Variants in CERS1 observed in about 807,000 individuals in gnomAD.
CERS1 encodes the protein ceramide synthase 1.
A neutral mutation model predicts 35.7 loss-of-function variants in CERS1; 16 were observed. The ratio of observed to expected loss-of-function variants is 0.45; its 90% confidence interval spans 0.30 to 0.68. The LOEUF is 0.68. Among genes scored for constraint, CERS1 ranks in the 30% least tolerant of loss-of-function variants. The probability of loss-of-function intolerance (pLI) is 0.08; values close to 1 mark genes in which losing one functional copy is unlikely to be tolerated. For synonymous variants in CERS1, 243 were observed against 201.6 expected (o/e 1.21, Z -1.74); for missense variants, 454 against 453.9 (o/e 1.00, Z 0.00).
intron 2 of CERS1, among the ~76,000 whole-genome samples, chr19:18,888,817 C>T (rs899918978): frequency 3.3e-5 from 5 of 151,204 alleles, no homozygotes; most frequent in Non-Finnish European, 4.4e-5. Context: ...GCAACAAGAG[C>T]GAAACTCTGT....
chr19:18,878,523 T>G lies in CERS1; in HGVS notation c.1010+407A>C. On this transcript the variant is annotated intron_variant, in intron 6 of 7. Transcript: ENST00000623882. The surrounding 1 kb of genome is among the most constrained non-coding windows in gnomAD (Gnocchi z 4.6). ...TGGGTTCTCTCTGTGGCCCTTGGCG[T>G]TCCTTCCTCCCCAGCCCCACTGCCA... 3.0e-6 allele frequency: 3 copies of G among 1,013,722 alleles called. No homozygotes were observed. Among genetic ancestry groups the G allele is most frequent in the South Asian group, 3.9e-5 (1 of 25,432 alleles). 62.8% of individuals were successfully genotyped at this position (1,013,722 alleles called of 1,614,324 possible). A position where few individuals can be genotyped will look rare whatever the true frequency, so the allele number is the denominator to read the frequency against.
chr19:18,869,936 G>A lies in CERS1; in HGVS notation c.*594+47C>T, dbSNP rs202000234. ...GGGCCACTCTCGAGGCTCGCCCTGC[G>A]AGGTCTGGCCTCCAGGACCAGTGTC... On this transcript the variant is annotated intron_variant, in intron 7 of 7. Coordinates refer to ENST00000623882, the MANE Select transcript of CERS1 (RefSeq NM_021267.5). 3.9e-4 allele frequency: 594 copies of A among 1,527,696 alleles called. 1 individual carries two copies. In the African/African-American group the frequency reaches 7.2e-3, roughly 18 times the overall value. The allele number at this position is 1,527,696 out of a possible 1,614,324, so 94.6% of individuals were successfully genotyped here.
rs768953358 is a variant in CERS1 at position 18,870,051 on chromosome 19, G to T, written c.*526C>A. 9 of 1,592,596 alleles carry T rather than the reference G, an allele frequency of 5.7e-6. No homozygotes were observed. Among genetic ancestry groups the T allele is most frequent in the Non-Finnish European group, 7.7e-6 (9 of 1,173,496 alleles). ...CTCCTCCACGTGGCACGGTTGCAGGGTGACCCCTGGGGACGTCCGCCGCGA... is the reference window on the plus strand; with the variant it reads ...CTCCTCCACGTGGCACGGTTGCAGGTTGACCCCTGGGGACGTCCGCCGCGA... On this transcript the variant is annotated 3_prime_UTR_variant, in exon 7 of 8. Coordinates refer to ENST00000623882, the MANE Select transcript of CERS1 (RefSeq NM_021267.5). This position sits in a 1 kb window ranked among gnomAD's most constrained non-coding sequence, Gnocchi z 5.1.
chr19:18,885,512 T>TG (rs1366930548), intron 2 of CERS1, among the ~76,000 whole-genome samples: 116 of 22,132 alleles, frequency 5.2e-3, no homozygotes, highest in Middle Eastern at 0.02. Context: ...CCCCTTCTCG[T>TG]TTTTTTTTTT....
intron 6 of CERS1, among the ~76,000 whole-genome samples, chr19:18,875,653 C>T (rs1325155077): frequency 2.6e-5 from 4 of 152,162 alleles, no homozygotes; most frequent in Non-Finnish European, 5.9e-5. Flanking sequence ...GCTCCAACCT[C>T]GGCCTTTGTG....
intron 7 of CERS1, among the ~76,000 whole-genome samples, 198 bp from the exon 8 acceptor site, chr19:18,869,588 G>T (rs1173567672): frequency 4.0e-5 from 6 of 150,882 alleles, no homozygotes; most frequent in South Asian, 4.2e-4. Flanking sequence ...GGGTGCGGCG[G>T]GGGGGGTGGG....
In CERS1 at chr19:18,878,519, G is replaced by A; in HGVS notation, c.1010+411C>T. The stretch of plus-strand genomic sequence containing the variant: ...AGCCTGGGTTCTCTCTGTGGCCCTT[G>A]GCGTTCCTTCCTCCCCAGCCCCACT... On this transcript the variant is annotated intron_variant, in intron 6 of 7. Transcript: ENST00000623882. This position sits in a 1 kb window ranked among gnomAD's most constrained non-coding sequence, Gnocchi z 4.6. The A allele has an allele frequency of 2.0e-6, 2 of 1,017,176 alleles. No homozygotes were observed. Among genetic ancestry groups the A allele is most frequent in the Non-Finnish European group, 2.4e-6 (2 of 848,006 alleles). 63.0% of individuals were successfully genotyped at this position (1,017,176 alleles called of 1,614,324 possible).
rs985053381 is a variant in CERS1 at position 18,879,271 on chromosome 19, C to G, written c.870G>C (p.Leu290=). 1.9e-6 allele frequency: 3 copies of G among 1,613,540 alleles called. No individual in the cohort carries two copies. The highest frequency in any genetic ancestry group is 1.1e-5 in the South Asian group (1 of 90,994). ...FYFFFNALLL[L]LTLMNLYWFL... ...ACCAGTAGAGGTTCATAAGGGTGAGCAGCAGCAGGAGCGCATTGAAGAAGA... is the reference window on the plus strand; with the variant it reads ...ACCAGTAGAGGTTCATAAGGGTGAGGAGCAGCAGGAGCGCATTGAAGAAGA... Residue 290 remains leucine, a synonymous_variant, in exon 5 of 8, where the codon CTG becomes CTC. Coordinates refer to ENST00000623882, the MANE Select transcript of CERS1 (RefSeq NM_021267.5).
chr19:18,884,042 G>A (rs773933814), intron 3 of CERS1, 45 bp downstream of exon 3: 2 of 1,585,144 alleles, frequency 1.3e-6, no homozygotes, highest in African/African-American at 1.3e-5. Context: ...TCCGCACTCT[G>A]TGTGGGCTGT....
At chr19:18,872,220 G>T (rs891742577) in intron 6 of CERS1, among the ~76,000 whole-genome samples, 1 of 152,178 alleles carries the variant, frequency 6.6e-6, no homozygotes, top group Non-Finnish European at 1.5e-5. Context: ...ATTCTTGTTT[G>T]TTTTTTCTGC....
At chr19:18,875,893 G>T (rs2056052452) in intron 6 of CERS1, among the ~76,000 whole-genome samples, 1 of 152,214 alleles carries the variant, frequency 6.6e-6, no homozygotes, top group African/African-American at 2.4e-5. Context: ...GCAAGGAGGG[G>T]ATCCTCGCTT....
chr19:18,875,223 G>A (rs2056039374), intron 6 of CERS1, among the ~76,000 whole-genome samples: 1 of 150,632 alleles, frequency 6.6e-6, no homozygotes, highest in South Asian at 2.1e-4. Flanking sequence ...GCGACAGAGT[G>A]GGACCGTCTC....
intron 6 of CERS1, among the ~76,000 whole-genome samples, chr19:18,872,449 G>A (rs191067375): frequency 1.2e-4 from 19 of 152,228 alleles, no homozygotes; most frequent in African/African-American, 4.3e-4. Context: ...CCAGGTTCAC[G>A]GGATTCTCCT....
In CERS1 at chr19:18,868,921, G is replaced by T. The variant is rs1601143049; in HGVS notation, c.*1064C>A. ...CGTACAGCCGCCGCGCGCGACAAGC[G>T]CCCCCGGGGCCGCCGCCCAACACGG... is the stretch of plus-strand genomic sequence containing the variant. On this transcript the variant is annotated 3_prime_UTR_variant, in exon 8 of 8. Coordinates refer to ENST00000623882, the MANE Select transcript of CERS1 (RefSeq NM_021267.5). 1 of 1,337,050 alleles carries T rather than the reference G, an allele frequency of 7.5e-7. No homozygotes were observed. The highest frequency in any genetic ancestry group is 4.2e-5 in the East Asian group (1 of 23,544). The allele number at this position is 1,337,050 out of a possible 1,614,324, so 82.8% of individuals were successfully genotyped here.
chr19:18,896,462 C>G (rs1412539548), upstream of CERS1: 2 of 152,286 alleles, frequency 1.3e-5, no homozygotes, highest in Non-Finnish European at 2.9e-5. The surrounding 1 kb of genome is among the most constrained non-coding windows in gnomAD (Gnocchi z 5.9). Context: ...ACGGGGGACA[C>G]TAGCAGGCAG....
intron 2 of CERS1, among the ~76,000 whole-genome samples, chr19:18,885,417 G>A (rs1021187179): frequency 4.0e-5 from 6 of 151,512 alleles, no homozygotes; most frequent in Non-Finnish European, 5.9e-5. Flanking sequence ...GGGTGATCTC[G>A]AACTCCTGGG....
chr19:18,885,506 T>G, intron 2 of CERS1, among the ~76,000 whole-genome samples: 2 of 95,700 alleles, frequency 2.1e-5, no homozygotes, highest in Non-Finnish European at 2.2e-5. Context: ...CCAGCGCCCC[T>G]TCTCGTTTTT....
Position 18,868,878 on chromosome 19 carries a change from C to A in CERS1, c.*1107G>T. The A allele has an allele frequency of 7.0e-7, 1 of 1,434,878 alleles. No individual in the cohort carries two copies. The highest frequency in any genetic ancestry group is 3.2e-5 in the East Asian group (1 of 30,826). The allele number at this position is 1,434,878 out of a possible 1,614,324, so 88.9% of individuals were successfully genotyped here. On this transcript the variant is annotated 3_prime_UTR_variant, in exon 8 of 8. Coordinates refer to ENST00000623882, the MANE Select transcript of CERS1 (RefSeq NM_021267.5). ...GGCGCGATGACCCAGCGGTGCCAGC[C>A]CACCTCGCGGAAGCTCACGTACAGC...
At chr19:18,871,735 A>G (rs1391538031) in intron 6 of CERS1, among the ~76,000 whole-genome samples, 1 of 152,104 alleles carries the variant, frequency 6.6e-6, no homozygotes, top group Non-Finnish European at 1.5e-5. Context: ...GTCCCCATCC[A>G]AGGACTGTTG....
Sources: gnomAD v4.1 joint callset for allele counts (sites outside exome capture counted in the v4.1 genomes callset) on GRCh38, gnomAD v4.1.1 for gene constraint, Gnocchi (gnomAD v3.1) non-coding constraint, MANE v1.5 for transcripts, NCBI Gene and HGNC (gene_info 2026-07-23, HGNC 2026-07-21) for gene names.